The following SREBF2 variants were observed in gnomAD, a reference collection of about 807,000 sequenced individuals.
SREBF2 encodes the protein sterol regulatory element-binding protein 2.
Under a neutral mutation model 113.1 loss-of-function variants are expected in SREBF2, and 55 were observed. That is an observed-to-expected ratio of 0.49 (90% CI 0.39 to 0.61). SREBF2 has a LOEUF of 0.61. Ranked by LOEUF, SREBF2 falls within the 20% of genes least tolerant of loss-of-function variation. The pLI is 0.00. For synonymous variants in SREBF2, 593 were observed against 605.7 expected (o/e 0.98, Z 0.31); for missense variants, 1,349 against 1,487.4 (o/e 0.91, Z 1.53).
intron 1 of SREBF2, among the ~76,000 whole-genome samples, chr22:41,859,962 C>T (rs573089801): frequency 3.2e-4 from 48 of 151,724 alleles, no homozygotes; most frequent in African/African-American, 1.1e-3. Flanking sequence ...CCCGCCACCA[C>T]GCCCAGCTAA....
rs2076822968 is a variant in SREBF2, at chr22:41,840,770, A to G, written c.88+7412A>G. On this transcript the variant is annotated intron_variant, in intron 1 of 18. Coordinates refer to ENST00000361204, the MANE Select transcript of SREBF2 (RefSeq NM_004599.4). ...CTGTCTTTATGTTCTGAATTCCATG[A>G]CAACGTGCCTTGATGTGACTGGGCC... 2.6e-5 allele frequency among the ~76,000 whole-genome samples: 4 copies of G among 152,122 alleles called. No homozygotes were observed. In the South Asian group the frequency reaches 8.3e-4, roughly 32 times the overall value.
intron 9 of SREBF2, among the ~76,000 whole-genome samples, chr22:41,880,397 C>CAAAA (rs58272168): frequency 1.1e-5 from 1 of 87,622 alleles, no homozygotes; most frequent in African/African-American, 4.4e-5. Flanking sequence ...ACTAAAAATA[C>CAAAA]AAAAAAAAAA....
intron 4 of SREBF2, 84 bp downstream of exon 4, chr22:41,871,119 T>C (rs1464206560): frequency 1.3e-6 from 2 of 1,560,142 alleles, no homozygotes; most frequent in Non-Finnish European, 1.8e-6. Context: ...AATCTCTATA[T>C]GCTGAGTAGG....
intron 1 of SREBF2, among the ~76,000 whole-genome samples, chr22:41,847,619 G>C (rs540623075): frequency 1.3e-5 from 2 of 152,192 alleles, no homozygotes; most frequent in East Asian, 3.8e-4. Flanking sequence ...GTAGCTAAGA[G>C]CTTGACTTTA....
intron 1 of SREBF2, among the ~76,000 whole-genome samples, chr22:41,864,472 C>G (rs1397031960): frequency 6.6e-6 from 1 of 150,816 alleles, no homozygotes; most frequent in East Asian, 2.0e-4. Flanking sequence ...AGGCGCCCAC[C>G]ACCACGCCCA....
rs769599407 is a variant in SREBF2 at position 41,878,016 on chromosome 22, G to A, written c.1654G>A (p.Val552Ile). The change falls in exon 9 of 19, where the codon GTC becomes ATC. Residue 552 changes from valine to isoleucine, a missense_variant. Physicochemically the swap from Val to Ile is conservative, Grantham distance 29 (BLOSUM62 3). Coordinates refer to ENST00000361204, the MANE Select transcript of SREBF2 (RefSeq NM_004599.4). ...WLVNGVIVLS[V>I]FVKLLVHGEP... ...GGTAAATGGTGTGATTGTCCTGAGCGTCTTTGTGAAGCTGCTGGTTCATGG... is the reference window on the plus strand; with the variant it reads ...GGTAAATGGTGTGATTGTCCTGAGCATCTTTGTGAAGCTGCTGGTTCATGG... 21 of 1,614,028 alleles carry A rather than the reference G, an allele frequency of 1.3e-5. No individual in the cohort carries two copies. In the Admixed American group the frequency reaches 2.2e-4, roughly 17 times the overall value.
At position 41,838,483 on chromosome 22, in the gene SREBF2, A is replaced by G. The variant is rs149822589; in HGVS notation, c.88+5125A>G. ...CTCAGTGGCTCATGCCTGTAATCCT[A>G]GCATTTTGGTAGGCCGAGGAGGGTG... On this transcript the variant is annotated intron_variant, in intron 1 of 18. Coordinates refer to ENST00000361204, the MANE Select transcript of SREBF2 (RefSeq NM_004599.4). Among the ~76,000 whole-genome samples, 745 of 152,254 alleles carry G rather than the reference A, an allele frequency of 4.9e-3. 3 individuals carry two copies. Among genetic ancestry groups the G allele is most frequent in the African/African-American group, 0.017 (708 of 41,544 alleles).
intron 1 of SREBF2, among the ~76,000 whole-genome samples, chr22:41,849,961 A>C (rs2076912443): frequency 1.3e-5 from 2 of 150,888 alleles, no homozygotes; most frequent in South Asian, 4.2e-4. Context: ...ACATGGTGAA[A>C]CCCCATCTCT....
intron 1 of SREBF2, among the ~76,000 whole-genome samples, chr22:41,866,122 A>T (rs1003837091): frequency 6.6e-5 from 10 of 152,098 alleles, no homozygotes. Context: ...AAACCGCTAT[A>T]CTCACAGCCT....
In SREBF2 at chr22:41,840,908, C is replaced by G. The variant is rs898904180; in HGVS notation, c.88+7550C>G. On this transcript the variant is annotated intron_variant, in intron 1 of 18. Coordinates refer to ENST00000361204, the MANE Select transcript of SREBF2 (RefSeq NM_004599.4). ...TCACCTGAGCCTGCAGAGGAACTTC[C>G]AGTACCTGAGCCTTTCCATGGCACT... Among the ~76,000 whole-genome samples the G allele has an allele frequency of 2.0e-4, 30 of 152,300 alleles. No individual in the cohort carries two copies. The East Asian group carries it at 3.3e-3, about 17-fold the overall frequency.
intron 3 of SREBF2, among the ~76,000 whole-genome samples, chr22:41,869,263 C>T (rs1356789500): frequency 6.6e-6 from 1 of 150,996 alleles, no homozygotes; most frequent in Non-Finnish European, 1.5e-5. Context: ...TGCCACCACA[C>T]CCGGCTAATT....
At position 41,833,358 on chromosome 22, in the gene SREBF2, G is replaced by T; in HGVS notation, c.88G>T (p.Glu30Ter). The T allele has an allele frequency of 6.7e-7, 1 of 1,493,768 alleles. No individual in the cohort carries two copies. The highest frequency in any genetic ancestry group is 9.0e-7 in the Non-Finnish European group (1 of 1,106,070). 92.5% of individuals were successfully genotyped at this position (1,493,768 alleles called of 1,614,324 possible). A position where few individuals can be genotyped will look rare whatever the true frequency, so the allele number is the denominator to read the frequency against. Residue 30 changes from glutamate (E) to a stop codon, truncating the protein, a stop_gained and splice_region_variant, in exon 1 of 19, where the codon GAG becomes TAG. Coordinates refer to ENST00000361204, the MANE Select transcript of SREBF2 (RefSeq NM_004599.4). LOFTEE classifies it high-confidence loss of function. This position sits in a 1 kb window ranked among gnomAD's most constrained non-coding sequence, Gnocchi z 4.1. The stretch of plus-strand genomic sequence containing the variant: ...CGAGCTGACCCTGGGAGACATCGAC[G>T]GTGAGTGGTGGGTGGGTGGGAGTGC... The part of the protein sequence containing the change: ...GDELTLGDID[E>*]MLQFVSNQVG...
chr22:41,867,766 C>T lies in SREBF2; in HGVS notation c.538+486C>T, dbSNP rs368600918. 2.0e-5 allele frequency among the ~76,000 whole-genome samples: 3 copies of T among 151,918 alleles called. No individual in the cohort carries two copies. The East Asian group carries it at 5.8e-4, about 29-fold the overall frequency. ...AGCTTGCAGTGAGCAGAGATCGTGC[C>T]ACTGCACTCCAGCCTAGGCAACAGA... On this transcript the variant is annotated intron_variant, in intron 2 of 18. Transcript: ENST00000361204.
At chr22:41,858,966 A>T (rs2148364664) in intron 1 of SREBF2, among the ~76,000 whole-genome samples, 1 of 152,026 alleles carries the variant, frequency 6.6e-6, no homozygotes, top group East Asian at 1.9e-4. Flanking sequence ...ACATGGTGAA[A>T]CCCCGTCTCT....
chr22:41,899,872 C>G, intron 15 of SREBF2: 1 of 999,174 alleles, frequency 1.0e-6, no homozygotes, highest in Non-Finnish European at 1.2e-6. Context: ...CTATGAGAAC[C>G]CTCCCCCATC....
chr22:41,871,058 C>T (rs762675897), intron 4 of SREBF2, 23 bp downstream of exon 4: 54 of 1,613,664 alleles, frequency 3.3e-5, no homozygotes, highest in Non-Finnish European at 4.2e-5. Context: ...TTCTCCCCCA[C>T]CCTCCTCCCT....
chr22:41,837,920 T>A (rs899792107), intron 1 of SREBF2, among the ~76,000 whole-genome samples: 38 of 150,588 alleles, frequency 2.5e-4, no homozygotes, highest in Non-Finnish European at 5.6e-4. Context: ...TTGGCTCATT[T>A]AAAAAAAAAG....
At chr22:41,878,519 G>A in intron 9 of SREBF2, 2 of 458,878 alleles carry the variant, frequency 4.4e-6, no homozygotes, top group Admixed American at 2.8e-5. Context: ...TGAAGGCAAA[G>A]GCTGGTAGTG....
chr22:41,857,862 AT>A (rs1480845467), intron 1 of SREBF2, among the ~76,000 whole-genome samples: 1 of 152,154 alleles, frequency 6.6e-6, no homozygotes, highest in African/African-American at 2.4e-5. Context: ...TATTGCTTGC[AT>A]TTTAGGGCTT....
Sources: allele counts gnomAD v4.1 joint callset (sites outside exome capture counted in the v4.1 genomes callset), GRCh38; gene constraint gnomAD v4.1.1; non-coding constraint Gnocchi (gnomAD v3.1); transcripts MANE v1.5; gene names NCBI Gene and HGNC (gene_info 2026-07-23, HGNC 2026-07-21).